The following FBXL18 variants were observed in gnomAD, a reference collection of about 807,000 sequenced individuals.
FBXL18 encodes F-box and leucine rich repeat protein 18.
FBXL18 carries 36 observed loss-of-function variants against 46.0 expected under a neutral mutation model. The ratio of observed to expected loss-of-function variants is 0.78; its 90% CI spans 0.60 to 1.03. FBXL18 has a LOEUF of 1.03. FBXL18 is among the 50% of genes least tolerant of loss of function. FBXL18 has a pLI of 0.00. For missense variants in FBXL18, 977 were observed against 1,004.1 expected, an observed-to-expected ratio of 0.97 and a Z score of 0.36; for synonymous variants, 557 against 465.3, an observed-to-expected ratio of 1.20 and a Z score of -2.54.
chr7:5,490,453 C>G (rs978299712), intron 4 of FBXL18, among the ~76,000 whole-genome samples: 40 of 152,330 alleles, frequency 2.6e-4, no homozygotes, highest in Middle Eastern at 3.4e-3. Context: ...CATCAAACTC[C>G]AGGATGCCCT....
Position 5,477,362 on chromosome 7 carries a change from C to G in FBXL18, c.*4413G>C, listed in dbSNP as rs540417339. On this transcript the variant is annotated 3_prime_UTR_variant, in exon 5 of 5. Coordinates refer to ENST00000382368, the MANE Select transcript of FBXL18 (RefSeq NM_024963.6). This position sits in a 1 kb window ranked among gnomAD's most constrained non-coding sequence, Gnocchi z 4.4. Reference sequence around the variant, plus strand: ...CTGCCTTTGGTTTAGTGGCCCCACACTTCATCACCTCACTTTGTCCATGAA... The same window carrying G: ...CTGCCTTTGGTTTAGTGGCCCCACAGTTCATCACCTCACTTTGTCCATGAA... Among the ~76,000 whole-genome samples, 1 of 152,152 alleles carries G rather than the reference C, an allele frequency of 6.6e-6. No individual in the cohort carries two copies. Among genetic ancestry groups the G allele is most frequent in the East Asian group, 1.9e-4 (1 of 5,192 alleles).
chr7:5,513,199 A>G (rs370132750), intron 1 of FBXL18, among the ~76,000 whole-genome samples: 3 of 152,098 alleles, frequency 2.0e-5, no homozygotes, highest in African/African-American at 7.2e-5. Context: ...CTTTTCCTCC[A>G]TCACCCACCC....
intron 4 of FBXL18, among the ~76,000 whole-genome samples, chr7:5,488,895 C>T (rs371596898): frequency 4.5e-4 from 69 of 152,328 alleles, no homozygotes; most frequent in South Asian, 4.1e-3. Context: ...CAAGCCCACT[C>T]GACTAAGCCC....
chr7:5,472,529 C>T (rs1783443450), downstream of FBXL18, among the ~76,000 whole-genome samples: 1 of 151,902 alleles, frequency 6.6e-6, no homozygotes, highest in African/African-American at 2.4e-5. Flanking sequence ...GCCACTTAGA[C>T]CACATGGAGA....
chr7:5,490,623 T>C (rs1783896677), intron 4 of FBXL18, among the ~76,000 whole-genome samples: 1 of 152,200 alleles, frequency 6.6e-6, no homozygotes, highest in African/African-American at 2.4e-5. Flanking sequence ...AAGTAAGCAC[T>C]GCTTCTAGAT....
intron 4 of FBXL18, among the ~76,000 whole-genome samples, chr7:5,461,121 C>A (rs528085986): frequency 6.6e-6 from 1 of 152,216 alleles, no homozygotes; most frequent in Non-Finnish European, 1.5e-5. Flanking sequence ...CCTGCACTCT[C>A]GGGGTGGCAG....
intron 4 of FBXL18, among the ~76,000 whole-genome samples, chr7:5,462,969 A>T (rs11978708): frequency 0.019 from 294 of 15,532 alleles, no homozygotes; most frequent in East Asian, 0.079. Flanking sequence ...AAAAAAAAAA[A>T]ATATATATAT....
intron 2 of FBXL18, among the ~76,000 whole-genome samples, chr7:5,503,407 C>T (rs1784317000): frequency 6.6e-6 from 1 of 152,144 alleles, no homozygotes; most frequent in Admixed American, 6.6e-5. Context: ...GGCTGGAGCA[C>T]AGTGGTACAA....
chr7:5,501,196 G>T lies in FBXL18; in HGVS notation c.1073C>A (p.Ser358Tyr). The T allele has an allele frequency of 6.2e-7, 1 of 1,613,374 alleles. No individual in the cohort carries two copies. Among genetic ancestry groups the T allele is most frequent in the Non-Finnish European group, 8.5e-7 (1 of 1,179,684 alleles). ...CGCCTTGCGGAGCAGCGAGTCTGGG[G>T]ACAGGCAGTGGACGCAGCCGCTGAG... ...LNLSGCVHCL[S>Y]PDSLLRKAED... The change falls in exon 3 of 5, where the codon TCC (serine) becomes TAC (tyrosine). Residue 358 changes from serine to tyrosine, a missense_variant. Transcript: ENST00000382368.
At chr7:5,484,072 G>A (rs1304083914) in intron 4 of FBXL18, among the ~76,000 whole-genome samples, 1 of 152,150 alleles carries the variant, frequency 6.6e-6, no homozygotes, top group Admixed American at 6.5e-5. Context: ...TGAACACCAC[G>A]GGTCATGTGG....
Position 5,480,125 on chromosome 7 carries a change from G to A in FBXL18, c.*1650C>T, listed in dbSNP as rs1489662773. Reference sequence around the variant, plus strand: ...TCAGGGGCAGGGCCGGTGATTGGAGGCCTGGGGATGGTGTACCCCATTTTT... The same window carrying A: ...TCAGGGGCAGGGCCGGTGATTGGAGACCTGGGGATGGTGTACCCCATTTTT... On this transcript the variant is annotated 3_prime_UTR_variant, in exon 5 of 5. Transcript: ENST00000382368. Among the ~76,000 whole-genome samples, 1 of 152,222 alleles carries A rather than the reference G, an allele frequency of 6.6e-6. No homozygotes were observed. Among genetic ancestry groups the A allele is most frequent in the African/African-American group, 2.4e-5 (1 of 41,462 alleles).
chr7:5,491,315 C>A lies in FBXL18; in HGVS notation c.1916G>T (p.Arg639Leu), dbSNP rs768129904. 3 of 1,610,070 alleles carry A rather than the reference C, an allele frequency of 1.9e-6. No homozygotes were observed. The highest frequency in any genetic ancestry group is 2.2e-5 in the East Asian group (1 of 44,728). The change falls in exon 4 of 5, where the codon CGC becomes CTC. Residue 639 changes from arginine (R) to leucine (L), a missense_variant. Coordinates refer to ENST00000382368, the MANE Select transcript of FBXL18 (RefSeq NM_024963.6). ...GTGGCACATGACAACCTGCAGGCAG[C>A]GAGCCATGAAGGCCAGCACGGCATC... ...QPDAVLAFMA[R>L]CLQVVMCHLF... is the part of the protein sequence containing the mutation.
In FBXL18 at chr7:5,478,465, A is replaced by T. The variant is rs893840350; in HGVS notation, c.*3310T>A. The T allele has an allele frequency of 6.5e-6, 1 of 153,034 alleles. No individual in the cohort carries two copies. The allele number at this position is 153,034 out of a possible 1,614,324, so 9.5% of individuals were successfully genotyped here. On this transcript the variant is annotated 3_prime_UTR_variant, in exon 5 of 5. Transcript: ENST00000382368. ...CGAGTGTTGCCTGGTGACGTGGAGC[A>T]GGAGGCGGGGCGGAGGCTGCGGGAC...
In FBXL18 at chr7:5,478,229, C is replaced by G. The variant is rs1783561066; in HGVS notation, c.*3546G>C. The G allele has an allele frequency of 6.6e-6, 1 of 152,444 alleles. No homozygotes were observed. The highest frequency in any genetic ancestry group is 2.4e-5 in the African/African-American group (1 of 41,466). 9.4% of individuals were successfully genotyped at this position (152,444 alleles called of 1,614,324 possible). ...TCAGGCCCATGTCCTGGCAGGGCCT[C>G]TGGGGGCAGCAGATGGCAAGGATAG... On this transcript the variant is annotated 3_prime_UTR_variant, in exon 5 of 5. Coordinates refer to ENST00000382368, the MANE Select transcript of FBXL18 (RefSeq NM_024963.6).
chr7:5,513,556 G>T, intron 1 of FBXL18, 101 bp downstream of exon 1: 1 of 1,348,166 alleles, frequency 7.4e-7, no homozygotes, highest in Non-Finnish European at 1.0e-6. Context: ...GGTAGGGGTC[G>T]GGATAGAAAG....
chr7:5,513,412 T>C (rs1784591375), intron 1 of FBXL18, among the ~76,000 whole-genome samples: 1 of 151,788 alleles, frequency 6.6e-6, no homozygotes, highest in South Asian at 2.1e-4. Flanking sequence ...GGGACAACTC[T>C]GGCGATCAGG....
At chr7:5,474,023 C>G (rs938567394), downstream of FBXL18, among the ~76,000 whole-genome samples, 1 of 151,984 alleles carries the variant, frequency 6.6e-6, no homozygotes, top group African/African-American at 2.4e-5. Flanking sequence ...TCTCAAACTC[C>G]TGACCTCAGG....
At chr7:5,473,136 C>A (rs923528180), downstream of FBXL18, among the ~76,000 whole-genome samples, 1 of 152,136 alleles carries the variant, frequency 6.6e-6, no homozygotes, top group Non-Finnish European at 1.5e-5. Flanking sequence ...ACGGTGTGTA[C>A]ATGTCAAGCT....
rs182776266 is a variant in FBXL18 at position 5,501,577 on chromosome 7, C to T, written c.692G>A (p.Arg231Gln). ...QSNVPHYQNL[R>Q]VFYARLAPGY... is the part of the protein sequence containing the mutation. ...GGGGGCCAGGCGCGCATAGAAGACC[C>T]GCAGGTTCTGGTAGTGCGGCACGTT... Residue 231 changes from arginine to glutamine, a missense_variant, in exon 3 of 5, where the codon CGG becomes CAG. Arg to Gln is a conservative substitution (Grantham distance 43, BLOSUM62 1). Coordinates refer to ENST00000382368, the MANE Select transcript of FBXL18 (RefSeq NM_024963.6). 1.9e-6 allele frequency: 3 copies of T among 1,613,890 alleles called. No homozygotes were observed. The East Asian group carries it at 6.7e-5, about 36-fold the overall frequency.
Sources: gnomAD v4.1 joint callset for allele counts (sites outside exome capture counted in the v4.1 genomes callset) on GRCh38, gnomAD v4.1.1 for gene constraint, Gnocchi (gnomAD v3.1) non-coding constraint, MANE v1.5 for transcripts, NCBI Gene and HGNC (gene_info 2026-07-23, HGNC 2026-07-21) for gene names.